Variants in LRRTM4 observed in about 807,000 individuals in gnomAD.
LRRTM4 encodes leucine-rich repeat transmembrane neuronal protein 4.
A neutral mutation model predicts 47.6 loss-of-function variants in LRRTM4; 25 were observed. The ratio of observed to expected loss-of-function variants is 0.53; its 90% CI spans 0.38 to 0.73. The LOEUF is 0.73. Among genes scored for constraint, LRRTM4 ranks in the 30% least tolerant of loss-of-function variants. The pLI is 0.00. For synonymous variants in LRRTM4, 311 were observed against 269.5 expected (o/e 1.15, Z -1.51); for missense variants, 638 against 713.4 (o/e 0.89, Z 1.20).
intron 3 of LRRTM4, among the ~76,000 whole-genome samples, chr2:77,338,255 C>T (rs989769856): frequency 6.6e-6 from 1 of 152,006 alleles, no homozygotes; most frequent in Non-Finnish European, 1.5e-5. Flanking sequence ...CCGTATTCAA[C>T]TAAACAGCTT....
At chr2:76,766,307 A>G (rs984793334) in intron 3 of LRRTM4, among the ~76,000 whole-genome samples, 2 of 152,180 alleles carry the variant, frequency 1.3e-5, no homozygotes, top group Non-Finnish European at 2.9e-5. Context: ...AGCCATTTAT[A>G]TATATTTAGG....
intron 3 of LRRTM4, among the ~76,000 whole-genome samples, chr2:76,945,613 A>C (rs1284301448): frequency 6.6e-6 from 1 of 152,094 alleles, no homozygotes; most frequent in African/African-American, 2.4e-5. Flanking sequence ...CTGCATATAT[A>C]TACTGCAACC....
intron 3 of LRRTM4, among the ~76,000 whole-genome samples, chr2:77,098,155 C>A (rs1325061930): frequency 6.6e-6 from 1 of 151,822 alleles, no homozygotes; most frequent in Non-Finnish European, 1.5e-5. Flanking sequence ...TCATTCTAAA[C>A]CTAGAACTTG....
intron 3 of LRRTM4, among the ~76,000 whole-genome samples, chr2:77,051,827 T>C (rs368086527): frequency 2.7e-4 from 41 of 152,210 alleles, no homozygotes; most frequent in African/African-American, 9.4e-4. Flanking sequence ...CCTTGTCAAA[T>C]AGGAAACTGA....
chr2:76,781,913 T>C (rs1674416733), intron 3 of LRRTM4, among the ~76,000 whole-genome samples: 1 of 152,232 alleles, frequency 6.6e-6, no homozygotes, highest in Non-Finnish European at 1.5e-5. Flanking sequence ...CTGCTGCCTC[T>C]TGATCATCAG....
chr2:76,827,711 C>G (rs1474664006), intron 3 of LRRTM4, among the ~76,000 whole-genome samples: 1 of 151,836 alleles, frequency 6.6e-6, no homozygotes, highest in Non-Finnish European at 1.5e-5. Context: ...ATATTGAGTA[C>G]TGATAAGATT....
chr2:77,016,645 A>G (rs77224946), intron 3 of LRRTM4, among the ~76,000 whole-genome samples: 13,339 of 152,048 alleles, frequency 0.088, 943 homozygotes, highest in East Asian at 0.38. Context: ...AAGGCAGAAC[A>G]TTTTGCCCCT....
In LRRTM4 at chr2:76,757,705, G is replaced by A. The variant is rs547070799; in HGVS notation, c.1552-8789C>T. Among the ~76,000 whole-genome samples the A allele has an allele frequency of 4.6e-5, 7 of 152,162 alleles. No homozygotes were observed. In the East Asian group the frequency reaches 1.4e-3, roughly 29 times the overall value. On this transcript the variant is annotated intron_variant, in intron 3 of 3. Coordinates refer to ENST00000409884, the MANE Select transcript of LRRTM4 (RefSeq NM_001134745.3). ...TACTTACTACAAAATAGAGATGATA[G>A]AATTTCCAATCACATAACTTTCTCC...
At chr2:77,253,303 G>T (rs769705122) in intron 3 of LRRTM4, among the ~76,000 whole-genome samples, 1 of 151,964 alleles carries the variant, frequency 6.6e-6, no homozygotes, top group Non-Finnish European at 1.5e-5. Flanking sequence ...CTTTTACCTG[G>T]GTTGGACCTA....
intron 3 of LRRTM4, among the ~76,000 whole-genome samples, chr2:77,088,564 C>T (rs945389516): frequency 2.6e-5 from 4 of 152,180 alleles, no homozygotes; most frequent in African/African-American, 7.2e-5. Context: ...ACCCCTATCT[C>T]CATTCGCTGA....
At chr2:76,774,057 T>G (rs567275930) in intron 3 of LRRTM4, among the ~76,000 whole-genome samples, 1 of 152,180 alleles carries the variant, frequency 6.6e-6, no homozygotes, top group Admixed American at 6.5e-5. Context: ...CCCGAAAACT[T>G]AGCTACTAAT....
chr2:76,990,364 T>G (rs747843781), intron 3 of LRRTM4, among the ~76,000 whole-genome samples: 9 of 151,666 alleles, frequency 5.9e-5, no homozygotes, highest in Non-Finnish European at 1.2e-4. Context: ...ACAGAGTAAG[T>G]TGGATAAAAT....
intron 3 of LRRTM4, among the ~76,000 whole-genome samples, chr2:76,866,230 G>A (rs192578042): frequency 3.3e-4 from 50 of 152,244 alleles, no homozygotes; most frequent in African/African-American, 1.1e-3. Context: ...AAACATTTCA[G>A]AAGTAAATTT....
chr2:77,383,516 G>C (rs13385221), intron 3 of LRRTM4, among the ~76,000 whole-genome samples: 2,123 of 151,994 alleles, frequency 0.014, 56 homozygotes, highest in African/African-American at 0.048. Flanking sequence ...GACCCAAAAG[G>C]CAGTCTAATA....
intron 3 of LRRTM4, among the ~76,000 whole-genome samples, chr2:77,068,900 A>C (rs1294685011): frequency 2.6e-5 from 4 of 151,498 alleles, no homozygotes; most frequent in African/African-American, 9.8e-5. Flanking sequence ...CAGGGGTGAA[A>C]ACCGCTTAAA....
At chr2:77,114,147 G>C (rs1453419811) in intron 3 of LRRTM4, among the ~76,000 whole-genome samples, 1 of 152,086 alleles carries the variant, frequency 6.6e-6, no homozygotes, top group East Asian at 1.9e-4. Context: ...TAACTGCAGG[G>C]GGTCACGGGA....
At chr2:76,994,817 T>C (rs1677141971) in intron 3 of LRRTM4, among the ~76,000 whole-genome samples, 1 of 152,004 alleles carries the variant, frequency 6.6e-6, no homozygotes, top group African/African-American at 2.4e-5. Flanking sequence ...GATGAATGTG[T>C]GAAATTGATT....
intron 3 of LRRTM4, among the ~76,000 whole-genome samples, chr2:77,256,985 T>C (rs931229955): frequency 1.3e-5 from 2 of 152,044 alleles, no homozygotes; most frequent in East Asian, 3.9e-4. Flanking sequence ...GCTGGATCAA[T>C]ATTTTAAAAT....
chr2:77,369,755 T>C (rs558267448), intron 3 of LRRTM4, among the ~76,000 whole-genome samples: 72 of 151,880 alleles, frequency 4.7e-4, no homozygotes, highest in African/African-American at 1.7e-3. Flanking sequence ...CTATATGGTA[T>C]ACCTATTACT....
Sources: gnomAD v4.1 joint callset for allele counts (sites outside exome capture counted in the v4.1 genomes callset) on GRCh38, gnomAD v4.1.1 for gene constraint, MANE v1.5 for transcripts, NCBI Gene and HGNC (gene_info 2026-07-23, HGNC 2026-07-21) for gene names.